The following ARHGAP39 variants were observed in gnomAD, a reference collection of about 807,000 sequenced individuals.
The protein encoded by ARHGAP39 is Rho GTPase activating protein 39.
ARHGAP39 carries 44 observed loss-of-function variants against 106.9 expected under a neutral mutation model. The ratio of observed to expected loss-of-function variants is 0.41; its 90% confidence interval spans 0.32 to 0.53. The LOEUF (loss-of-function observed/expected upper bound fraction) is 0.53. Ranked by LOEUF, ARHGAP39 falls within the 20% of genes least tolerant of loss-of-function variation. The pLI, the probability that ARHGAP39 is intolerant of heterozygous loss-of-function variation, is 0.21. For synonymous variants in ARHGAP39, 768 were observed against 693.2 expected (o/e 1.11, Z -1.69); for missense variants, 1,496 against 1,577.3 (o/e 0.95, Z 0.87).
chr8:144,685,645 C>T (rs1822569717), intron 1 of ARHGAP39, among the ~76,000 whole-genome samples, 41 bp downstream of exon 1: 1 of 148,606 alleles, frequency 6.7e-6, no homozygotes, highest in Admixed American at 6.7e-5. Context: ...CCGCCATCTT[C>T]TTGGCCCGCG....
At chr8:144,691,417 C>T in the ARHGAP39 span, among the ~76,000 whole-genome samples, 1 of 152,196 alleles carries the variant, frequency 6.6e-6, no homozygotes, top group Non-Finnish European at 1.5e-5. Context: ...GAAACAAACT[C>T]ACCCGTCCAA....
At chr8:144,626,720 G>C (rs977346799) in intron 1 of ARHGAP39, among the ~76,000 whole-genome samples, 3 of 152,204 alleles carry the variant, frequency 2.0e-5, no homozygotes, top group African/African-American at 7.2e-5. Flanking sequence ...CCCACGGCCC[G>C]TCTCCAAGAC....
intron 1 of ARHGAP39, among the ~76,000 whole-genome samples, chr8:144,612,008 TAA>T (rs554351101): frequency 1.3e-3 from 139 of 109,636 alleles, no homozygotes; most frequent in Admixed American, 1.8e-3. Flanking sequence ...AAACTCCATG[TAA>T]AAAAAAAAAA....
rs943611440 is a variant in ARHGAP39, at chr8:144,591,789, G to A, written c.81-10512C>T. ...ACGCGGTGAGCAGTGAGGTGCCCTC[G>A]GCAACAGCACAGCCTCCCTGCCTGG... is the stretch of plus-strand genomic sequence containing the variant. On this transcript the variant is annotated intron_variant, in intron 2 of 11. Coordinates refer to ENST00000377307, the MANE Select transcript of ARHGAP39 (RefSeq NM_025251.3). This position sits in a 1 kb window ranked among gnomAD's most constrained non-coding sequence, Gnocchi z 5.3. 2.0e-5 allele frequency among the ~76,000 whole-genome samples: 3 copies of A among 152,198 alleles called. No homozygotes were observed. The highest frequency in any genetic ancestry group is 4.4e-5 in the Non-Finnish European group (3 of 68,026).
rs1385724632 is a variant in ARHGAP39, at chr8:144,537,791, G to A, written c.2544C>T (p.Leu848=). Residue 848 remains leucine, a synonymous_variant, in exon 7 of 12, where the codon CTC becomes CTT. Coordinates refer to ENST00000377307, the MANE Select transcript of ARHGAP39 (RefSeq NM_025251.3). ...ACTTCTTCTTAGTGTTTCTTTCCAGGAGCTCTTTTATGTGCTGTGTCACTG... is the reference window on the plus strand; with the variant it reads ...ACTTCTTCTTAGTGTTTCTTTCCAGAAGCTCTTTTATGTGCTGTGTCACTG... ...DTKVTQHIKE[L]LERNTKKKSK... is the part of the protein sequence containing the mutation. The A allele has an allele frequency of 1.9e-6, 3 of 1,614,130 alleles. No homozygotes were observed. The highest frequency in any genetic ancestry group is 2.5e-6 in the Non-Finnish European group (3 of 1,180,010).
chr8:144,581,517 C>G (rs1818991552), intron 2 of ARHGAP39, among the ~76,000 whole-genome samples: 1 of 152,234 alleles, frequency 6.6e-6, no homozygotes, highest in African/African-American at 2.4e-5. Flanking sequence ...CTGGGCCCCA[C>G]GTGGGGTAGG....
At chr8:144,690,913 C>T in the ARHGAP39 span, among the ~76,000 whole-genome samples, 2 of 152,024 alleles carry the variant, frequency 1.3e-5, no homozygotes, top group Admixed American at 6.6e-5. Flanking sequence ...CTGCCTCAGC[C>T]TCCCAAAGTG....
intron 3 of ARHGAP39, among the ~76,000 whole-genome samples, chr8:144,566,653 C>T (rs572386875): frequency 2.0e-5 from 3 of 152,080 alleles, no homozygotes; most frequent in East Asian, 1.9e-4. Flanking sequence ...GTCAGGAGTT[C>T]GAGGCCAGCC....
intron 1 of ARHGAP39, among the ~76,000 whole-genome samples, chr8:144,622,608 T>C (rs1259035519): frequency 2.0e-5 from 3 of 152,078 alleles, no homozygotes; most frequent in Admixed American, 2.0e-4. Flanking sequence ...GTATTCAGAG[T>C]GGACACTTGC....
chr8:144,644,565 C>A lies in ARHGAP39; in HGVS notation c.-81-38870G>T, dbSNP rs1181092503. On this transcript the variant is annotated intron_variant, in intron 1 of 11. Coordinates refer to ENST00000377307, the MANE Select transcript of ARHGAP39 (RefSeq NM_025251.3). The surrounding 1 kb of genome is among the most constrained non-coding windows in gnomAD (Gnocchi z 4.8). ...TTATACCTCCATAATTGAAACACTG[C>A]CAAATGCACGCCGGCTCGTGGCGGC... Among the ~76,000 whole-genome samples, 1 of 152,220 alleles carries A rather than the reference C, an allele frequency of 6.6e-6. No individual in the cohort carries two copies. The highest frequency in any genetic ancestry group is 6.5e-5 in the Admixed American group (1 of 15,278).
In ARHGAP39 at chr8:144,530,563, C is replaced by T. The variant is rs1317300359; in HGVS notation, c.3204G>A (p.Leu1068=). 1 of 1,611,222 alleles carries T rather than the reference C, an allele frequency of 6.2e-7. No homozygotes were observed. Among genetic ancestry groups the T allele is most frequent in the African/African-American group, 1.3e-5 (1 of 74,566 alleles). The part of the protein sequence containing the change: ...VAVTKMDVSN[L]AMVMAPNCLR... ...AGCAGTTGGGCGCCATCACCATGGC[C>T]AGGTTGCTGACATCCATCTTGGTGA... The change falls in exon 12 of 12, where the codon CTG becomes CTA. Residue 1068 remains leucine (L), a synonymous_variant. Transcript: ENST00000377307.
In ARHGAP39 at chr8:144,633,797, C is replaced by T. The variant is rs576113509; in HGVS notation, c.-81-28102G>A. 4.1e-4 allele frequency among the ~76,000 whole-genome samples: 62 copies of T among 152,330 alleles called. 1 individual carries two copies. Among genetic ancestry groups the T allele is most frequent in the Admixed American group, 2.1e-3 (32 of 15,306 alleles). ...CTCCAGGGCTCACTCCTATCTCAGC[C>T]CCCAGAGCAGCCAGGACTACAGCGC... On this transcript the variant is annotated intron_variant, in intron 1 of 11. Coordinates refer to ENST00000377307, the MANE Select transcript of ARHGAP39 (RefSeq NM_025251.3).
chr8:144,591,445 C>A lies in ARHGAP39; in HGVS notation c.81-10168G>T, dbSNP rs139104852. On this transcript the variant is annotated intron_variant, in intron 2 of 11. Transcript: ENST00000377307. The surrounding 1 kb of genome is among the most constrained non-coding windows in gnomAD (Gnocchi z 5.3). ...CAGGGCCACCGTGAAGGGCCTGAGG[C>A]CTGGGCTGACCTGACCTAATTCAGG... is the stretch of plus-strand genomic sequence containing the variant. Among the ~76,000 whole-genome samples, 357 of 152,282 alleles carry A rather than the reference C, an allele frequency of 2.3e-3. No homozygotes were observed. The highest frequency in any genetic ancestry group is 8.1e-3 in the African/African-American group (337 of 41,562).
Position 144,684,770 on chromosome 8 carries a change from G to A in ARHGAP39, c.-82+916C>T, listed in dbSNP as rs1360705273. Among the ~76,000 whole-genome samples, 1 of 152,210 alleles carries A rather than the reference G, an allele frequency of 6.6e-6. No individual in the cohort carries two copies. The highest frequency in any genetic ancestry group is 6.5e-5 in the Admixed American group (1 of 15,286). ...AAGCAACCGAGGGAATTCCAGCTCG[G>A]GGGGCAACCGGGAGGGGAAGGCTCC... On this transcript the variant is annotated intron_variant, in intron 1 of 11. Coordinates refer to ENST00000377307, the MANE Select transcript of ARHGAP39 (RefSeq NM_025251.3). This position sits in a 1 kb window ranked among gnomAD's most constrained non-coding sequence, Gnocchi z 4.4.
chr8:144,699,793 C>T, the ARHGAP39 span, among the ~76,000 whole-genome samples: 1,495 of 152,182 alleles, frequency 9.8e-3, 17 homozygotes, highest in African/African-American at 0.034. Flanking sequence ...CATCAAGGTC[C>T]TCTGTCTCCA....
rs1176365398 is a variant in ARHGAP39, at chr8:144,533,169, C to A, written c.2845G>T (p.Glu949Ter). The A allele has an allele frequency of 6.2e-7, 1 of 1,610,816 alleles. No individual in the cohort carries two copies. The highest frequency in any genetic ancestry group is 8.5e-7 in the Non-Finnish European group (1 of 1,179,700). Residue 949 changes from glutamate to a stop codon, truncating the protein, a stop_gained, in exon 9 of 12, where the codon GAG becomes TAG. Transcript: ENST00000377307. LOFTEE classifies it high-confidence loss of function. ...TGGTCACCGTTGAGCGCCAGCACCT[C>A]CTCAGAGAGCCGTGTCTGCACCCAG... ...LPWVQTRLSE[E>*]VLALNGDQTE... is the part of the protein sequence containing the mutation.
intron 1 of ARHGAP39, among the ~76,000 whole-genome samples, chr8:144,677,145 T>G (rs550897656): frequency 6.6e-6 from 1 of 152,368 alleles, no homozygotes; most frequent in South Asian, 2.1e-4. Context: ...AATATTCCAT[T>G]GCAGGAATGG....
intron 1 of ARHGAP39, among the ~76,000 whole-genome samples, chr8:144,617,707 C>T (rs1475061686): frequency 6.6e-6 from 1 of 152,050 alleles, no homozygotes; most frequent in African/African-American, 2.4e-5. Context: ...TCTCACCTGG[C>T]TTTGTTGGTT....
chr8:144,603,615 G>A (rs545986632), intron 2 of ARHGAP39, among the ~76,000 whole-genome samples: 18 of 151,572 alleles, frequency 1.2e-4, no homozygotes, highest in South Asian at 4.2e-4. Flanking sequence ...GCTTCAACCC[G>A]GGAGGCGGAG....
Sources: gnomAD v4.1 joint callset for allele counts (sites outside exome capture counted in the v4.1 genomes callset) on GRCh38, gnomAD v4.1.1 for gene constraint, Gnocchi (gnomAD v3.1) non-coding constraint, MANE v1.5 for transcripts, NCBI Gene and HGNC (gene_info 2026-07-23, HGNC 2026-07-21) for gene names.